The following SPPL2B variants were observed in gnomAD, a reference collection of about 807,000 sequenced individuals.
The protein encoded by SPPL2B is signal peptide peptidase like 2B.
In SPPL2B, 39 loss-of-function variants were observed where a neutral mutation model predicts 59.7. The ratio of observed to expected loss-of-function variants is 0.65; its 90% CI spans 0.51 to 0.85. SPPL2B has a LOEUF of 0.85. Ranked by LOEUF, SPPL2B falls within the 40% of genes least tolerant of loss-of-function variation. The pLI, the probability that SPPL2B is intolerant of heterozygous loss-of-function variation, is 0.00. For synonymous variants in SPPL2B, 419 were observed against 370.8 expected (o/e 1.13, Z -1.49); for missense variants, 865 against 849.0 (o/e 1.02, Z -0.23).
rs1432236234 is a variant in SPPL2B, at chr19:2,328,743, C to G, written c.34C>G (p.Leu12Val). 4 of 1,462,478 alleles carry G rather than the reference C, an allele frequency of 2.7e-6. No individual in the cohort carries two copies. The highest frequency in any genetic ancestry group is 3.6e-6 in the Non-Finnish European group (4 of 1,115,856). 90.6% of individuals were successfully genotyped at this position (1,462,478 alleles called of 1,614,324 possible). The stretch of plus-strand genomic sequence containing the variant: ...AGCGGTGGCGGCTGCGCTGGCGCGG[C>G]TTTTGGCGGCCTTTCTGCTCCTCGC... Reference protein sequence around the residue: ...AAAVAAALARLLAAFLLLAAQ... With the variant: ...AAAVAAALARVLAAFLLLAAQ... Residue 12 changes from leucine (L) to valine (V), a missense_variant, in exon 1 of 15, where the codon CTT becomes GTT. Transcript: ENST00000613503.
At chr19:2,328,815 G>T in intron 1 of SPPL2B, 40 bp downstream of exon 1, 1 of 1,337,638 alleles carries the variant, frequency 7.5e-7, no homozygotes. Context: ...GCGGGCTGCG[G>T]CCCTTCGGCC....
At position 2,332,219 on chromosome 19, in the gene SPPL2B, G is replaced by A. The variant is rs1486600838; in HGVS notation, c.67-2383G>A. Among the ~76,000 whole-genome samples, 1 of 152,212 alleles carries A rather than the reference G, an allele frequency of 6.6e-6. No individual in the cohort carries two copies. Among genetic ancestry groups the A allele is most frequent in the African/African-American group, 2.4e-5 (1 of 41,452 alleles). On this transcript the variant is annotated intron_variant, in intron 1 of 14. Coordinates refer to ENST00000613503, the MANE Select transcript of SPPL2B (RefSeq NM_152988.3). This position sits in a 1 kb window ranked among gnomAD's most constrained non-coding sequence, Gnocchi z 4.6. Reference sequence around the variant, plus strand: ...AGTCGATTGTGGGGACCGGGGCTCCGTGGGCTTTCACCATGCTGCCACCCC... The same window carrying A: ...AGTCGATTGTGGGGACCGGGGCTCCATGGGCTTTCACCATGCTGCCACCCC...
rs1491473479 is a variant in SPPL2B, at chr19:2,337,661, CAG to C, written c.369+37_369+38del. The C allele has an allele frequency of 3.4e-5, 51 of 1,507,826 alleles. No individual in the cohort carries two copies. The East Asian group carries it at 3.6e-4, about 11-fold the overall frequency. 93.4% of individuals were successfully genotyped at this position (1,507,826 alleles called of 1,614,324 possible). A position where few individuals can be genotyped will look rare whatever the true frequency, so the allele number is the denominator to read the frequency against. On this transcript the variant is annotated intron_variant, in intron 3 of 14. Transcript: ENST00000613503. The stretch of plus-strand genomic sequence containing the variant: ...GTGCGTCCCCCGCTGGGCCAGCTCT[CAG>C]GGGCAGGAGGGGGGTGCAGGAGGCA...
At chr19:2,349,919 C>T (rs1156498410) in intron 13 of SPPL2B, among the ~76,000 whole-genome samples, 1 of 150,154 alleles carries the variant, frequency 6.7e-6, no homozygotes, top group South Asian at 2.1e-4. Flanking sequence ...TCCATTCTCT[C>T]TCTCCACACA....
Position 2,354,138 on chromosome 19 carries a change from G to A in SPPL2B, c.*929G>A, listed in dbSNP as rs1005397359. 3.9e-5 allele frequency: 6 copies of A among 152,288 alleles called. No individual in the cohort carries two copies. The highest frequency in any genetic ancestry group is 9.7e-5 in the African/African-American group (4 of 41,446). The allele number at this position is 152,288 out of a possible 1,614,324, so 9.4% of individuals were successfully genotyped here. A position where few individuals can be genotyped will look rare whatever the true frequency, so the allele number is the denominator to read the frequency against. On this transcript the variant is annotated 3_prime_UTR_variant, in exon 15 of 15. Coordinates refer to ENST00000613503, the MANE Select transcript of SPPL2B (RefSeq NM_152988.3). The stretch of plus-strand genomic sequence containing the variant: ...CCCGTGTTGCTTTTCTGCTGAGAGG[G>A]GCTTGGGCCTCGGTTCTCCCTGTGG...
intron 3 of SPPL2B, chr19:2,338,131 A>C (rs970764042): frequency 6.3e-6 from 1 of 158,436 alleles, no homozygotes; most frequent in Non-Finnish European, 1.4e-5. Flanking sequence ...AGGGCTGGTC[A>C]CAGCACAGGG....
rs1258616738 is a variant in SPPL2B, at chr19:2,332,278, G to C, written c.67-2324G>C. ...CAGGGCCTTGACCCAGATGCTCCCA[G>C]ACCAGGCCGGAGACTTTGCATGATT... is the stretch of plus-strand genomic sequence containing the variant. On this transcript the variant is annotated intron_variant, in intron 1 of 14. Transcript: ENST00000613503. The surrounding 1 kb of genome is among the most constrained non-coding windows in gnomAD (Gnocchi z 4.6). 6.6e-6 allele frequency among the ~76,000 whole-genome samples: 1 copy of C among 152,230 alleles called. No homozygotes were observed. Among genetic ancestry groups the C allele is most frequent in the African/African-American group, 2.4e-5 (1 of 41,458 alleles).
chr19:2,349,913 TTC>T (rs375025157), intron 13 of SPPL2B, among the ~76,000 whole-genome samples: 39 of 140,792 alleles, frequency 2.8e-4, no homozygotes, highest in East Asian at 1.1e-3. Context: ...CTTGATTCCA[TTC>T]TCTCTCTCCA....
rs575971811 is a variant in SPPL2B at position 2,346,165 on chromosome 19, C to T, written c.1354+835C>T. ...GGCCCTAAGGAAAGAAGCTGTGGTG[C>T]TTTCTGGTTCCTGGGCACAGGGCCA... is the stretch of plus-strand genomic sequence containing the variant. On this transcript the variant is annotated intron_variant, in intron 13 of 14. Coordinates refer to ENST00000613503, the MANE Select transcript of SPPL2B (RefSeq NM_152988.3). Among the ~76,000 whole-genome samples the T allele has an allele frequency of 2.0e-5, 3 of 152,352 alleles. No homozygotes were observed. The South Asian group carries it at 6.2e-4, about 32-fold the overall frequency.
rs1490609134 is a variant in SPPL2B at position 2,343,310 on chromosome 19, A to G, written c.1038+18A>G. On this transcript the variant is annotated intron_variant, in intron 9 of 14. Coordinates refer to ENST00000613503, the MANE Select transcript of SPPL2B (RefSeq NM_152988.3). ...CCTTCAAGGTGAGTGCAGGGAGGGC[A>G]CGGCTGCGGGGCAGCATGGGTAGTG... 3.2e-6 allele frequency: 5 copies of G among 1,547,570 alleles called. No homozygotes were observed. The highest frequency in any genetic ancestry group is 4.4e-6 in the Non-Finnish European group (5 of 1,143,786).
chr19:2,338,906 G>A, intron 4 of SPPL2B, 65 bp downstream of exon 4: 1 of 1,552,850 alleles, frequency 6.4e-7, no homozygotes, highest in Non-Finnish European at 8.8e-7. Flanking sequence ...CGGGCTGGCT[G>A]CCGGGGGGGT....
intron 1 of SPPL2B, among the ~76,000 whole-genome samples, chr19:2,333,666 G>A (rs1325487275): frequency 6.6e-6 from 1 of 152,222 alleles, no homozygotes; most frequent in Non-Finnish European, 1.5e-5. Flanking sequence ...TGTCCTGGGC[G>A]CGGTGGCCAC....
intron 12 of SPPL2B, 60 bp downstream of exon 12, chr19:2,344,712 G>A: frequency 8.7e-7 from 1 of 1,149,922 alleles, no homozygotes; most frequent in East Asian, 2.4e-5. Flanking sequence ...GGGCGGCTGA[G>A]GTTTGCCTTT....
intron 8 of SPPL2B, chr19:2,341,655 G>A (rs891804892): frequency 2.2e-5 from 10 of 454,366 alleles, no homozygotes; most frequent in Non-Finnish European, 4.0e-5. Context: ...AGCCAAGTAC[G>A]CTTGGCTTTG....
At chr19:2,339,410 G>A (rs1383037097) in intron 5 of SPPL2B, among the ~76,000 whole-genome samples, 1 of 152,240 alleles carries the variant, frequency 6.6e-6, no homozygotes, top group Non-Finnish European at 1.5e-5. Flanking sequence ...GGCACCTGGT[G>A]GGTGTGTAGG....
chr19:2,352,068 CCT>C (rs1568457304), intron 14 of SPPL2B, among the ~76,000 whole-genome samples: 2 of 152,208 alleles, frequency 1.3e-5, no homozygotes, highest in African/African-American at 4.8e-5. Flanking sequence ...AGCCCTGTCC[CCT>C]GTCCCCCTTG....
intron 1 of SPPL2B, among the ~76,000 whole-genome samples, chr19:2,331,289 G>A (rs1343837724): frequency 6.6e-6 from 1 of 152,218 alleles, no homozygotes; most frequent in Middle Eastern, 3.2e-3. Context: ...TCACTTGGAA[G>A]CGGGGTTTCT....
rs1413521393 is a variant in SPPL2B, at chr19:2,351,589, T to G, written c.1510T>G (p.Phe504Val). The G allele has an allele frequency of 6.2e-7, 1 of 1,608,866 alleles. No homozygotes were observed. Among genetic ancestry groups the G allele is most frequent in the Admixed American group, 1.7e-5 (1 of 59,654 alleles). Residue 504 changes from phenylalanine to valine, a missense_variant, in exon 14 of 15, where the codon TTT becomes GTT. By Grantham distance (50) the Phe-to-Val change is conservative. Coordinates refer to ENST00000613503, the MANE Select transcript of SPPL2B (RefSeq NM_152988.3). ...ELGVFWTGSGFAKVLPPSPWA... is the reference protein window; with the variant it reads ...ELGVFWTGSGVAKVLPPSPWA... Reference sequence around the variant, plus strand: ...GGGCGTGTTCTGGACGGGCAGCGGCTTTGCGGTGAATACCAGTTTGCTCTG... The same window carrying G: ...GGGCGTGTTCTGGACGGGCAGCGGCGTTGCGGTGAATACCAGTTTGCTCTG...
chr19:2,341,211 T>C (rs7246088), intron 8 of SPPL2B, 197 bp downstream of exon 8: 87,743 of 691,426 alleles, frequency 0.13, 8,862 homozygotes, highest in African/African-American at 0.41. Context: ...TGTCCGGGTG[T>C]CATGGGAACC....
Sources: gnomAD v4.1 joint callset for allele counts (sites outside exome capture counted in the v4.1 genomes callset) on GRCh38, gnomAD v4.1.1 for gene constraint, Gnocchi (gnomAD v3.1) non-coding constraint, MANE v1.5 for transcripts, NCBI Gene and HGNC (gene_info 2026-07-23, HGNC 2026-07-21) for gene names.